Variants in CEP41 observed in about 807,000 individuals in gnomAD.
CEP41 encodes centrosomal protein of 41 kDa.
A neutral mutation model predicts 44.3 loss-of-function variants in CEP41; 32 were observed. The observed-to-expected ratio is 0.72, with a 90% CI of 0.54 to 0.97. The LOEUF (loss-of-function observed/expected upper bound fraction) is 0.97. CEP41 is among the 50% of genes least tolerant of loss of function. The pLI is 0.00. For missense variants in CEP41, 432 were observed against 455.2 expected, an observed-to-expected ratio of 0.95 and a Z score of 0.46; for synonymous variants, 151 against 168.5, an observed-to-expected ratio of 0.90 and a Z score of 0.80.
In CEP41 at chr7:130,412,202, T is replaced by C; in HGVS notation, c.184A>G (p.Lys62Glu). 9 of 1,555,234 alleles carry C rather than the reference T, an allele frequency of 5.8e-6. No homozygotes were observed. Among genetic ancestry groups the C allele is most frequent in the Non-Finnish European group, 8.0e-6 (9 of 1,126,364 alleles). Residue 62 changes from lysine to glutamate, a missense_variant, in exon 4 of 11, where the codon AAA becomes GAA. By Grantham distance (56) the Lys-to-Glu change is moderately conservative. Coordinates refer to ENST00000223208, the MANE Select transcript of CEP41 (RefSeq NM_018718.3). The stretch of plus-strand genomic sequence containing the variant: ...ACCAGCTGGGCAAAAGTTGTAACTT[T>C]TAGTCTCTTGAAAAGCTCATCTTTT... ...YKKDELFKRL[K>E]VTTFAQLIIQ...
intron 1 of CEP41, among the ~76,000 whole-genome samples, chr7:130,428,838 G>A (rs534627620): frequency 6.6e-6 from 1 of 151,728 alleles, no homozygotes; most frequent in South Asian, 2.1e-4. Context: ...TTGACCCCAG[G>A]AGGCGGAGGT....
chr7:130,395,587 T>A lies in CEP41; in HGVS notation c.*3304A>T, dbSNP rs1379890876. On this transcript the variant is annotated 3_prime_UTR_variant, in exon 11 of 11. Transcript: ENST00000223208. ...CATAAAAGACAGAATCTATAGCCAATAAACAACATGACAGAAACCAAAACC... is the reference window on the plus strand; with the variant it reads ...CATAAAAGACAGAATCTATAGCCAAAAAACAACATGACAGAAACCAAAACC... The A allele has an allele frequency of 2.2e-6, 1 of 453,960 alleles. No individual in the cohort carries two copies. Among genetic ancestry groups the A allele is most frequent in the East Asian group, 6.9e-5 (1 of 14,406 alleles). The allele number at this position is 453,960 out of a possible 1,614,324, so 28.1% of individuals were successfully genotyped here. A position where few individuals can be genotyped will look rare whatever the true frequency, so the allele number is the denominator to read the frequency against.
chr7:130,394,204 A>G lies in CEP41; in HGVS notation c.*4687T>C, dbSNP rs1554413550. The G allele has an allele frequency of 4.4e-6, 2 of 453,858 alleles. No individual in the cohort carries two copies. Among genetic ancestry groups the G allele is most frequent in the African/African-American group, 4.0e-5 (2 of 49,968 alleles). The allele number at this position is 453,858 out of a possible 1,614,324, so 28.1% of individuals were successfully genotyped here. On this transcript the variant is annotated 3_prime_UTR_variant, in exon 11 of 11. Transcript: ENST00000223208. ...CATAGAGCGGAGTGGCTGAAAGAACACCCTCTGGAGCCACAGTTCTCAGGC... is the reference window on the plus strand; with the variant it reads ...CATAGAGCGGAGTGGCTGAAAGAACGCCCTCTGGAGCCACAGTTCTCAGGC...
intron 5 of CEP41, among the ~76,000 whole-genome samples, chr7:130,410,425 T>C (rs1797146809): frequency 3.3e-5 from 5 of 152,140 alleles, no homozygotes; most frequent in Non-Finnish European, 2.9e-5. Flanking sequence ...AAGGTACTTT[T>C]CAGTCCCTTA....
intron 2 of CEP41, among the ~76,000 whole-genome samples, chr7:130,417,723 G>A (rs1404762498): frequency 2.6e-5 from 4 of 152,264 alleles, no homozygotes; most frequent in South Asian, 4.2e-4. Flanking sequence ...TATTTTACTG[G>A]GTATGCTTCG....
chr7:130,441,735 T>C (rs1368181179), upstream of CEP41, among the ~76,000 whole-genome samples: 6 of 152,198 alleles, frequency 3.9e-5, no homozygotes, highest in Non-Finnish European at 8.8e-5. Flanking sequence ...ATGGAAACCA[T>C]TGTGACTCCT....
chr7:130,427,813 G>C, intron 2 of CEP41, 142 bp downstream of exon 2: 2 of 622,916 alleles, frequency 3.2e-6, no homozygotes, highest in East Asian at 5.6e-5. Context: ...ATCTTTCAAG[G>C]ATAAATCCTG....
intron 1 of CEP41, among the ~76,000 whole-genome samples, chr7:130,429,511 G>C (rs782639543): frequency 7.9e-5 from 12 of 152,230 alleles, no homozygotes; most frequent in Non-Finnish European, 1.5e-4. Context: ...CTGCAGGTAT[G>C]AAAGTCCTTT....
chr7:130,435,202 A>G (rs1797927599), intron 1 of CEP41, among the ~76,000 whole-genome samples: 1 of 152,220 alleles, frequency 6.6e-6, no homozygotes, highest in Admixed American at 6.5e-5. Flanking sequence ...TTTGGAAAAG[A>G]TAACTATGAA....
In CEP41 at chr7:130,396,129, A is replaced by G. The variant is rs1488445365; in HGVS notation, c.*2762T>C. 1 of 453,686 alleles carries G rather than the reference A, an allele frequency of 2.2e-6. No individual in the cohort carries two copies. The highest frequency in any genetic ancestry group is 6.9e-5 in the East Asian group (1 of 14,408). 28.1% of individuals were successfully genotyped at this position (453,686 alleles called of 1,614,324 possible). A position where few individuals can be genotyped will look rare whatever the true frequency, so the allele number is the denominator to read the frequency against. ...TTCTTTTCTCCCTTCCTTAAACACA[A>G]ACCCCTTTAAAGCATTTAAGGTATT... is the stretch of plus-strand genomic sequence containing the variant. On this transcript the variant is annotated 3_prime_UTR_variant, in exon 11 of 11. Coordinates refer to ENST00000223208, the MANE Select transcript of CEP41 (RefSeq NM_018718.3).
In CEP41 at chr7:130,417,594, G is replaced by T. The variant is rs185373922; in HGVS notation, c.98-628C>A. 9.6e-4 allele frequency among the ~76,000 whole-genome samples: 146 copies of T among 152,236 alleles called. 2 individuals carry two copies. Among genetic ancestry groups the T allele is most frequent in the Non-Finnish European group, 1.4e-3 (92 of 68,018 alleles). ...GAGGCCCCAGCCCTCATGTTTTATAGTATGTTTCTATAATACTAGTACTGG... is the reference window on the plus strand; with the variant it reads ...GAGGCCCCAGCCCTCATGTTTTATATTATGTTTCTATAATACTAGTACTGG... On this transcript the variant is annotated intron_variant, in intron 2 of 10. Coordinates refer to ENST00000223208, the MANE Select transcript of CEP41 (RefSeq NM_018718.3).
At chr7:130,427,220 C>T (rs1473429266) in intron 2 of CEP41, among the ~76,000 whole-genome samples, 1 of 152,166 alleles carries the variant, frequency 6.6e-6, no homozygotes, top group African/African-American at 2.4e-5. Context: ...CCCCAATCCA[C>T]TAGCGAAACC....
chr7:130,421,640 A>G (rs782328438), intron 2 of CEP41: 158 of 1,037,822 alleles, frequency 1.5e-4, no homozygotes, highest in Non-Finnish European at 1.7e-4. Context: ...TTGTCTAGAG[A>G]TAATAAAAGG....
intron 5 of CEP41, among the ~76,000 whole-genome samples, chr7:130,407,735 C>T (rs754076867): frequency 2.0e-5 from 3 of 151,874 alleles, no homozygotes; most frequent in Non-Finnish European, 4.4e-5. Flanking sequence ...TAGATTATTA[C>T]AAAATGTAGG....
chr7:130,419,621 T>C, intron 2 of CEP41: 2 of 984,772 alleles, frequency 2.0e-6, no homozygotes, highest in African/African-American at 1.7e-5. Context: ...AGATACATTT[T>C]CCCAGATAAG....
intron 5 of CEP41, chr7:130,410,871 A>C (rs1317933547): frequency 5.4e-6 from 3 of 557,622 alleles, no homozygotes; most frequent in Non-Finnish European, 9.6e-6. Context: ...TGTTGAAAAA[A>C]GTAATTAGTA....
Position 130,410,884 on chromosome 7 carries a change from T to C in CEP41, c.277+238A>G, listed in dbSNP as rs1797162298. On this transcript the variant is annotated intron_variant, in intron 5 of 10. Transcript: ENST00000223208. ...TTTGTTGAAAAAAGTAATTAGTATA[T>C]TAAACACATCTAAAACATTTAAAAC... 11 of 584,564 alleles carry C rather than the reference T, an allele frequency of 1.9e-5. No individual in the cohort carries two copies. The East Asian group carries it at 3.2e-4, about 17-fold the overall frequency. 36.2% of individuals were successfully genotyped at this position (584,564 alleles called of 1,614,324 possible). A position where few individuals can be genotyped will look rare whatever the true frequency, so the allele number is the denominator to read the frequency against.
chr7:130,394,323 G>A lies in CEP41; in HGVS notation c.*4568C>T, dbSNP rs1796600826. On this transcript the variant is annotated 3_prime_UTR_variant, in exon 11 of 11. Transcript: ENST00000223208. ...AACCTCAGTCTCCTCATCTGAAAAT[G>A]GGGGTGCCTGCCTCATCAGACTGTT... 2.2e-6 allele frequency: 1 copy of A among 453,928 alleles called. No homozygotes were observed. The highest frequency in any genetic ancestry group is 2.4e-5 in the Admixed American group (1 of 42,538). 28.1% of individuals were successfully genotyped at this position (453,928 alleles called of 1,614,324 possible).
At chr7:130,430,125 A>C (rs1278896075) in intron 1 of CEP41, among the ~76,000 whole-genome samples, 2 of 152,242 alleles carry the variant, frequency 1.3e-5, no homozygotes, top group African/African-American at 2.4e-5. Context: ...GGGATACTTT[A>C]GTGTCTTACA....
Sources: gnomAD v4.1 joint callset for allele counts (sites outside exome capture counted in the v4.1 genomes callset) on GRCh38, gnomAD v4.1.1 for gene constraint, MANE v1.5 for transcripts, NCBI Gene and HGNC (gene_info 2026-07-23, HGNC 2026-07-21) for gene names.